The following DDX23 variants were observed in gnomAD, a reference collection of about 807,000 sequenced individuals.
DDX23 encodes probable ATP-dependent RNA helicase DDX23.
DDX23 carries 33 observed loss-of-function variants against 102.7 expected under a neutral mutation model. The observed-to-expected ratio is 0.32, with a 90% confidence interval of 0.24 to 0.43. The LOEUF is 0.43. Ranked by LOEUF, DDX23 falls within the 20% of genes least tolerant of loss-of-function variation. DDX23 has a pLI of 1.00. For synonymous variants in DDX23, 352 were observed against 376.0 expected, an observed-to-expected ratio of 0.94 and a Z score of 0.74; for missense variants, 549 against 1,086.6, an observed-to-expected ratio of 0.51 and a Z score of 6.96.
At position 48,831,335 on chromosome 12, in the gene DDX23, A is replaced by C; in HGVS notation, c.2065-19T>G. On this transcript the variant is annotated intron_variant, in intron 15 of 16. Transcript: ENST00000308025. ...CATTGTACTGTTGGAAGAATGGTGA[A>C]GTGAAGAGTGAGCAATGCAATCAAG... The C allele has an allele frequency of 1.2e-6, 2 of 1,613,440 alleles. No individual in the cohort carries two copies. Among genetic ancestry groups the C allele is most frequent in the Non-Finnish European group, 1.7e-6 (2 of 1,179,554 alleles).
At position 48,836,407 on chromosome 12, in the gene DDX23, C is replaced by G; in HGVS notation, c.1237-141G>C. 2.4e-6 allele frequency: 3 copies of G among 1,265,582 alleles called. No homozygotes were observed. Among genetic ancestry groups the G allele is most frequent in the Non-Finnish European group, 3.3e-6 (3 of 900,008 alleles). 78.4% of individuals were successfully genotyped at this position (1,265,582 alleles called of 1,614,324 possible). On this transcript the variant is annotated intron_variant, in intron 10 of 16. Transcript: ENST00000308025. The surrounding 1 kb of genome is among the most constrained non-coding windows in gnomAD (Gnocchi z 6.1). ...CAGAAATAGGGACCCCAAGAAGAAA[C>G]CTAATCACTAAAAGCCAACACTTCT...
chr12:48,846,246 G>A (rs562533507), intron 1 of DDX23, among the ~76,000 whole-genome samples: 2 of 152,334 alleles, frequency 1.3e-5, no homozygotes, highest in South Asian at 4.1e-4. Flanking sequence ...TTACAGGCGT[G>A]AGCCACAGTG....
chr12:48,847,775 C>T (rs1399396815), intron 1 of DDX23, among the ~76,000 whole-genome samples: 1 of 152,128 alleles, frequency 6.6e-6, no homozygotes, highest in African/African-American at 2.4e-5. Flanking sequence ...GAGATTGTGC[C>T]ACTGCACCCC....
Position 48,838,044 on chromosome 12 carries a change from C to T in DDX23, c.517G>A (p.Ala173Thr), listed in dbSNP as rs199786289. The change falls in exon 6 of 17, where the codon GCT (alanine) becomes ACT (threonine). Residue 173 changes from alanine to threonine, a missense_variant. Transcript: ENST00000308025. ...ACCTCCTGCTGCCGTCGCTTTAGAG[C>T]TTCAGCCTCTCGTTCTGCTTTAGAG... ...FLSKAEREAEALKRRQQEVEE... is the reference protein window; with the variant it reads ...FLSKAEREAETLKRRQQEVEE... The T allele has an allele frequency of 2.5e-6, 4 of 1,614,232 alleles. No individual in the cohort carries two copies. The African/African-American group carries it at 4.0e-5, about 16-fold the overall frequency.
chr12:48,835,081 CA>C, intron 11 of DDX23: 2 of 179,712 alleles, frequency 1.1e-5, no homozygotes, highest in South Asian at 8.5e-5. Context: ...CCTGTTTCTA[CA>C]AAAAATACAA....
At chr12:48,845,523 A>T in intron 2 of DDX23, 51 bp downstream of exon 2, 3 of 1,598,854 alleles carry the variant, frequency 1.9e-6, no homozygotes, top group Non-Finnish European at 1.7e-6. Context: ...GAAGGAAGAA[A>T]TCTGAAACGT....
At chr12:48,838,368 TAGC>T (rs1565676787) in intron 5 of DDX23, among the ~76,000 whole-genome samples, 1 of 151,690 alleles carries the variant, frequency 6.6e-6, no homozygotes, top group Non-Finnish European at 1.5e-5. Flanking sequence ...CTGGGCAACA[TAGC>T]AGACCTTGTT....
chr12:48,852,069 C>G lies in DDX23; in HGVS notation c.-1+15G>C, dbSNP rs2137501387. 1 of 152,470 alleles carries G rather than the reference C, an allele frequency of 6.6e-6. No individual in the cohort carries two copies. The highest frequency in any genetic ancestry group is 2.4e-5 in the African/African-American group (1 of 41,576). 9.4% of individuals were successfully genotyped at this position (152,470 alleles called of 1,614,324 possible). A position where few individuals can be genotyped will look rare whatever the true frequency, so the allele number is the denominator to read the frequency against. On this transcript the variant is annotated intron_variant, in intron 1 of 16. Transcript: ENST00000308025. The stretch of plus-strand genomic sequence containing the variant: ...TGTAAGCTCGTGGGAACCGCCTCCA[C>G]CGCCCGGGACTCACCACCCTGAGTC...
Position 48,832,512 on chromosome 12 carries a change from C to T in DDX23, c.1865G>A (p.Arg622Gln). Residue 622 changes from arginine (R) to glutamine (Q), a missense_variant, in exon 14 of 17, where the codon CGG becomes CAG. This residue lies in a region of DDX23 where 270 missense variants were observed against 707.0 expected (regional missense o/e 0.38). Transcript: ENST00000308025. This position sits in a 1 kb window ranked among gnomAD's most constrained non-coding sequence, Gnocchi z 4.4. ...GCCAATGTACACCACAGCAGGTCGC[C>T]GAAGATAGCTCCTGGCCAGACGCTC... ...AVERLARSYL[R>Q]RPAVVYIGSA... 7 of 1,614,146 alleles carry T rather than the reference C, an allele frequency of 4.3e-6. No homozygotes were observed. The highest frequency in any genetic ancestry group is 1.1e-5 in the South Asian group (1 of 91,082).
chr12:48,846,781 T>G (rs17123351), intron 1 of DDX23, among the ~76,000 whole-genome samples: 2 of 152,194 alleles, frequency 1.3e-5, no homozygotes, highest in Non-Finnish European at 2.9e-5. Flanking sequence ...TTCACAACCT[T>G]GGTCATCTGC....
chr12:48,845,148 A>T (rs1013623988), intron 2 of DDX23, among the ~76,000 whole-genome samples: 1 of 117,392 alleles, frequency 8.5e-6, no homozygotes, highest in Non-Finnish European at 1.7e-5. Flanking sequence ...GTGAAACTCC[A>T]TCTTTTAAAA....
rs1392675933 is a variant in DDX23, at chr12:48,830,496, C to T, written c.2436G>A (p.Lys812=). 6.2e-7 allele frequency: 1 copy of T among 1,613,866 alleles called. No homozygotes were observed. The highest frequency in any genetic ancestry group is 2.2e-5 in the East Asian group (1 of 44,872). The part of the protein sequence containing the change: ...QHKPGTILTK[K]RREETIFA ...AGGCAAAGATGGTCTCTTCCCGGCG[C>T]TTCTTGGTGAGGATGGTGCCTGGCT... Residue 812 remains lysine (K), a synonymous_variant, in exon 17 of 17, where the codon AAG becomes AAA. Transcript: ENST00000308025. The surrounding 1 kb of genome is among the most constrained non-coding windows in gnomAD (Gnocchi z 4.9).
chr12:48,830,335 G>A lies in DDX23; in HGVS notation c.*134C>T, dbSNP rs935033258. The A allele has an allele frequency of 9.1e-7, 1 of 1,095,574 alleles. No homozygotes were observed. Among genetic ancestry groups the A allele is most frequent in the African/African-American group, 1.6e-5 (1 of 64,126 alleles). The allele number at this position is 1,095,574 out of a possible 1,614,324, so 67.9% of individuals were successfully genotyped here. On this transcript the variant is annotated 3_prime_UTR_variant, in exon 17 of 17. Transcript: ENST00000308025. This position sits in a 1 kb window ranked among gnomAD's most constrained non-coding sequence, Gnocchi z 4.9. ...CAGGCCTCCTGACCTGAGGGTCTGG[G>A]CTAGGGAGTTGGATTGTTTTCCTAA...
At chr12:48,844,146 A>C in intron 2 of DDX23, 96 bp from the exon 3 acceptor site, 1 of 1,106,050 alleles carries the variant, frequency 9.0e-7, no homozygotes, top group Non-Finnish European at 1.4e-6. Flanking sequence ...GTCCCAAAGT[A>C]ATGTTTTACA....
chr12:48,836,107 C>G lies in DDX23; in HGVS notation c.1382+14G>C. Reference sequence around the variant, plus strand: ...CCAGACAAACCCACTCCAGCTGGTGCTAGCTGACCTCACCTGTCAATTTTG... The same window carrying G: ...CCAGACAAACCCACTCCAGCTGGTGGTAGCTGACCTCACCTGTCAATTTTG... On this transcript the variant is annotated intron_variant, in intron 11 of 16. Transcript: ENST00000308025. This position sits in a 1 kb window ranked among gnomAD's most constrained non-coding sequence, Gnocchi z 6.1. 1 of 1,611,552 alleles carries G rather than the reference C, an allele frequency of 6.2e-7. No homozygotes were observed. The highest frequency in any genetic ancestry group is 8.5e-7 in the Non-Finnish European group (1 of 1,179,096).
intron 1 of DDX23, among the ~76,000 whole-genome samples, chr12:48,848,896 C>T (rs936134092): frequency 7.2e-5 from 11 of 151,858 alleles, no homozygotes; most frequent in Non-Finnish European, 1.6e-4. Flanking sequence ...GGATTACAGG[C>T]GCGTGCCACA....
intron 1 of DDX23, among the ~76,000 whole-genome samples, chr12:48,846,324 T>C (rs1185867218): frequency 6.6e-6 from 1 of 152,218 alleles, no homozygotes; most frequent in Non-Finnish European, 1.5e-5. Flanking sequence ...TTTTTGTAAT[T>C]AGACTACAAA....
chr12:48,841,888 C>G (rs557326045), intron 3 of DDX23, among the ~76,000 whole-genome samples: 1 of 152,178 alleles, frequency 6.6e-6, no homozygotes, highest in Admixed American at 6.5e-5. Context: ...GCCATCCCAT[C>G]TAGGAAGTGA....
rs766029154 is a variant in DDX23, at chr12:48,832,041, A to T, written c.2064+37T>A. ...CCTGCTAGATTCAGAAAGCAGTGCC[A>T]CAGAGGCTAGACTTTGTTCTCCCCT... is the stretch of plus-strand genomic sequence containing the variant. On this transcript the variant is annotated intron_variant, in intron 15 of 16. Coordinates refer to ENST00000308025, the MANE Select transcript of DDX23 (RefSeq NM_004818.3). This position sits in a 1 kb window ranked among gnomAD's most constrained non-coding sequence, Gnocchi z 4.4. The T allele has an allele frequency of 3.8e-6, 6 of 1,594,544 alleles. No individual in the cohort carries two copies. The Admixed American group carries it at 1.0e-4, about 27-fold the overall frequency.
Sources: gnomAD v4.1 joint callset for allele counts (sites outside exome capture counted in the v4.1 genomes callset) on GRCh38, gnomAD v4.1.1 for gene constraint, gnomAD v4.1.1 regional missense constraint, Gnocchi (gnomAD v3.1) non-coding constraint, MANE v1.5 for transcripts, NCBI Gene and HGNC (gene_info 2026-07-23, HGNC 2026-07-21) for gene names.